The following DMD variants were observed in gnomAD, a reference collection of about 807,000 sequenced individuals.
DMD encodes mutant dystrophin.
In DMD, 63 loss-of-function variants were observed where a neutral mutation model predicts 330.1. The ratio of observed to expected loss-of-function variants is 0.19; its 90% CI spans 0.16 to 0.24. The LOEUF is 0.24. Among genes scored for constraint, DMD ranks in the 10% least tolerant of loss-of-function variants. The pLI is 1.00. For missense variants in DMD, 3,344 were observed against 2,684.1 expected, an observed-to-expected ratio of 1.25 and a Z score of -5.43; for synonymous variants, 1,223 against 959.8, an observed-to-expected ratio of 1.27 and a Z score of -5.07.
rs186076917 is a variant in DMD, at chrX:31,995,180, C to T, written c.6439-26666G>A. Among the ~76,000 whole-genome samples, 192 of 111,815 alleles carry T rather than the reference C, an allele frequency of 1.7e-3. 1 individual carries two copies. The highest frequency in any genetic ancestry group is 5.8e-3 in the African/African-American group (180 of 30,798). On this transcript the variant is annotated intron_variant, in intron 44 of 78. Transcript: ENST00000357033. ...GCATAAGTTATTACATTTGTATTTA[C>T]TTACTTAAATATTTATTCATTTACT...
intron 44 of DMD, chrX:32,155,252 G>C (rs764612288): frequency 8.6e-5 from 17 of 198,654 alleles, no homozygotes; most frequent in Non-Finnish European, 1.3e-4. Flanking sequence ...CTGCTCACAC[G>C]CTCCTGCATC....
intron 44 of DMD, among the ~76,000 whole-genome samples, chrX:32,026,344 T>A (rs12014100): frequency 0.11 from 12,092 of 111,912 alleles, 1,402 homozygotes; most frequent in African/African-American, 0.34. Context: ...ATTAGCTTAT[T>A]TCATTTAAGA....
At chrX:32,197,949 A>G (rs934946559) in intron 44 of DMD, among the ~76,000 whole-genome samples, 4 of 111,456 alleles carry the variant, frequency 3.6e-5, no homozygotes, top group African/African-American at 1.3e-4. Context: ...TATCTAACTG[A>G]AATTTTGTAT....
At chrX:31,321,383 G>A (rs1463780682) in intron 62 of DMD, among the ~76,000 whole-genome samples, 1 of 108,855 alleles carries the variant, frequency 9.2e-6, no homozygotes, top group Non-Finnish European at 1.9e-5. Context: ...TCAGGAGTTC[G>A]AGACGAGCCT....
At chrX:33,193,367 T>C (rs371606117) in intron 1 of DMD, among the ~76,000 whole-genome samples, 8 of 112,245 alleles carry the variant, frequency 7.1e-5, no homozygotes, top group East Asian at 2.8e-4. Flanking sequence ...TTTTCTCCAA[T>C]GGGAATTTAA....
intron 44 of DMD, among the ~76,000 whole-genome samples, chrX:31,978,510 C>T (rs950167303): frequency 3.6e-5 from 4 of 111,560 alleles, no homozygotes; most frequent in African/African-American, 1.3e-4. Flanking sequence ...ATGCATAGTT[C>T]TTCTGGTGGA....
At chrX:32,661,725 TTATAA>T (rs781202103) in intron 9 of DMD, among the ~76,000 whole-genome samples, 2 of 111,667 alleles carry the variant, frequency 1.8e-5, no homozygotes, top group Admixed American at 1.9e-4. Context: ...TTTTATATGT[TTATAA>T]TATGATTGTA....
chrX:32,542,610 C>T, intron 17 of DMD, among the ~76,000 whole-genome samples: 1 of 111,830 alleles, frequency 8.9e-6, no homozygotes, highest in Non-Finnish European at 1.9e-5. Context: ...GTCAAGACCT[C>T]AATATTCAGT....
intron 17 of DMD, among the ~76,000 whole-genome samples, chrX:32,522,940 C>A (rs140040045): frequency 8.9e-6 from 1 of 111,781 alleles, no homozygotes; most frequent in Non-Finnish European, 1.9e-5. Context: ...TTCAAATTCA[C>A]GCTTTAAACT....
intron 25 of DMD, among the ~76,000 whole-genome samples, chrX:32,458,662 T>C (rs1021446376): frequency 2.7e-5 from 3 of 111,203 alleles, no homozygotes; most frequent in African/African-American, 9.8e-5. Flanking sequence ...ACTTAGTATC[T>C]TTTGCTTTGT....
chrX:32,860,635 T>C (rs775635202), intron 2 of DMD, among the ~76,000 whole-genome samples: 7 of 111,374 alleles, frequency 6.3e-5, no homozygotes, highest in Admixed American at 1.9e-4. Flanking sequence ...AATAAAGCAG[T>C]ATTCTGTTGC....
chrX:32,720,201 T>C (rs1363661250), intron 7 of DMD, among the ~76,000 whole-genome samples: 1 of 110,891 alleles, frequency 9.0e-6, no homozygotes, highest in Non-Finnish European at 1.9e-5. Context: ...TTTATTGTTG[T>C]TACCTTTTCT....
intron 64 of DMD, among the ~76,000 whole-genome samples, chrX:31,214,937 C>CTTTTTTCTTTTTTTTTTTTTTTT (rs1556299261): frequency 2.6e-4 from 10 of 38,103 alleles, no homozygotes; most frequent in East Asian, 1.0e-3. Flanking sequence ...TTTCTTTTTT[C>CTTTTTTCTTTTTTTTTTTTTTTT]TTTTTTTTTT....
chrX:32,316,393 T>C (rs772803855), intron 41 of DMD, among the ~76,000 whole-genome samples: 1 of 111,608 alleles, frequency 9.0e-6, no homozygotes, highest in African/African-American at 3.2e-5. Flanking sequence ...TACAATTACC[T>C]ATGGGCAACA....
In DMD at chrX:32,448,544, T is replaced by C; in HGVS notation, c.3698A>G (p.Gln1233Arg). 3 of 1,208,911 alleles carry C rather than the reference T, an allele frequency of 2.5e-6. No homozygotes were observed. The highest frequency in any genetic ancestry group is 2.2e-5 in the Admixed American group (1 of 45,897). ...SVIAQAPPVA[Q>R]EALKKELETL... ...TTCAAGTTCCTTTTTTAAGGCCTCT[T>C]GTGCTACAGGTGGAGCTTGAGCTAT... Residue 1233 changes from glutamine to arginine, a missense_variant, in exon 27 of 79, where the codon CAA becomes CGA. Coordinates refer to ENST00000357033, the MANE Select transcript of DMD (RefSeq NM_004006.3).
chrX:32,370,333 C>T (rs2097870429), intron 34 of DMD, among the ~76,000 whole-genome samples: 1 of 109,125 alleles, frequency 9.2e-6, no homozygotes, highest in African/African-American at 3.3e-5. Context: ...TTACAGCCCC[C>T]AAAATTACTC....
At chrX:31,945,289 T>C (rs748509019) in intron 45 of DMD, among the ~76,000 whole-genome samples, 37 of 112,502 alleles carry the variant, frequency 3.3e-4, no homozygotes, top group African/African-American at 1.1e-3. Context: ...TAACAAAATG[T>C]TGACAGGCTA....
chrX:32,785,516 G>A (rs763185276), intron 7 of DMD, among the ~76,000 whole-genome samples: 2 of 111,330 alleles, frequency 1.8e-5, no homozygotes, highest in Admixed American at 1.9e-4. Flanking sequence ...GGCTAGGTAA[G>A]GAGTATTATC....
intron 1 of DMD, among the ~76,000 whole-genome samples, chrX:33,179,284 C>T (rs1200241907): frequency 8.9e-6 from 1 of 111,756 alleles, no homozygotes; most frequent in Non-Finnish European, 1.9e-5. Context: ...TCAGAATAAT[C>T]AGTGTGAGAT....
Sources: allele counts gnomAD v4.1 joint callset (sites outside exome capture counted in the v4.1 genomes callset), GRCh38; gene constraint gnomAD v4.1.1; transcripts MANE v1.5; gene names NCBI Gene and HGNC (gene_info 2026-07-23, HGNC 2026-07-21).